Variants in DIP2C observed in about 807,000 individuals in gnomAD.
The protein encoded by DIP2C is disco-interacting protein 2 homolog C.
DIP2C carries 33 observed loss-of-function variants against 192.4 expected under a neutral mutation model. That is an observed-to-expected ratio of 0.17 (90% CI 0.13 to 0.23). The LOEUF (loss-of-function observed/expected upper bound fraction) is 0.23. DIP2C is among the 10% of genes least tolerant of loss of function. DIP2C has a pLI of 1.00. For synonymous variants in DIP2C, 979 were observed against 864.1 expected, an observed-to-expected ratio of 1.13 and a Z score of -2.33; for missense variants, 1,537 against 2,110.1, an observed-to-expected ratio of 0.73 and a Z score of 5.32.
chr10:506,216 G>T (rs1393121335), intron 1 of DIP2C, among the ~76,000 whole-genome samples: 1 of 152,182 alleles, frequency 6.6e-6, no homozygotes, highest in Non-Finnish European at 1.5e-5. Context: ...GAGACCACCA[G>T]CCCAGAGTCA....
At chr10:532,578 TGA>T (rs1197489018) in intron 1 of DIP2C, among the ~76,000 whole-genome samples, 1,115 of 91,672 alleles carry the variant, frequency 0.012, 44 homozygotes, top group African/African-American at 0.022. Flanking sequence ...AGTATGGGTG[TGA>T]GAGAGAGTAT....
At chr10:484,881 G>A in intron 2 of DIP2C, 1 of 1,611,916 alleles carries the variant, frequency 6.2e-7, no homozygotes, top group Non-Finnish European at 8.5e-7. Flanking sequence ...GGGCAGAGCG[G>A]AATGTTCTCC....
chr10:530,653 T>TAAA (rs59344971), intron 1 of DIP2C, among the ~76,000 whole-genome samples: 3,797 of 105,954 alleles, frequency 0.036, 97 homozygotes, highest in African/African-American at 0.05. Flanking sequence ...CCCTATCTCT[T>TAAA]AAAAAAAAAA....
intron 10 of DIP2C, 57 bp from the exon 11 acceptor site, chr10:390,920 C>T: frequency 6.3e-7 from 1 of 1,595,498 alleles, no homozygotes; most frequent in Admixed American, 1.7e-5. Flanking sequence ...TCCGCCCAGC[C>T]TTCGGCCCTC....
At chr10:369,473 C>T in intron 18 of DIP2C, 21 bp downstream of exon 18, 2 of 1,519,956 alleles carry the variant, frequency 1.3e-6, no homozygotes, top group South Asian at 1.3e-5. Flanking sequence ...TTAATCTGTG[C>T]AGCTCGCGAC....
rs138016302 is a variant in DIP2C, at chr10:339,234, T to A, written c.3584+1965A>T. ...ATTGTGGATCTAGGACCCAAGTGCT[T>A]TTTTTGTTTTTTAAAAGCAAGTCCA... On this transcript the variant is annotated intron_variant, in intron 29 of 36. Coordinates refer to ENST00000280886, the MANE Select transcript of DIP2C (RefSeq NM_014974.3). 2.3e-4 allele frequency among the ~76,000 whole-genome samples: 35 copies of A among 152,222 alleles called. No individual in the cohort carries two copies. In the East Asian group the frequency reaches 6.8e-3, roughly 29 times the overall value.
At chr10:356,188 A>G (rs1177693557) in intron 24 of DIP2C, 3 of 596,414 alleles carry the variant, frequency 5.0e-6, no homozygotes, top group Non-Finnish European at 9.0e-6. Flanking sequence ...TGGGGGAGAA[A>G]TATTGTAAAT....
intron 9 of DIP2C, among the ~76,000 whole-genome samples, chr10:404,698 GAC>G (rs1431365446): frequency 6.6e-6 from 1 of 152,194 alleles, no homozygotes; most frequent in Non-Finnish European, 1.5e-5. Context: ...ATCACTGGCA[GAC>G]ACAAAATTAA....
chr10:662,315 T>C (rs538572841), intron 1 of DIP2C, among the ~76,000 whole-genome samples: 32 of 152,226 alleles, frequency 2.1e-4, no homozygotes, highest in Non-Finnish European at 3.7e-4. Flanking sequence ...GAACACTTGC[T>C]TGATAATTTT....
chr10:364,731 G>A lies in DIP2C; in HGVS notation c.2269-149C>T, dbSNP rs1018796781. Reference sequence around the variant, plus strand: ...CCCTAGGGCCGAGGTCACAGTGACCGCTGGTGGCCAACAGTCTTCGAGGCA... The same window carrying A: ...CCCTAGGGCCGAGGTCACAGTGACCACTGGTGGCCAACAGTCTTCGAGGCA... On this transcript the variant is annotated intron_variant, in intron 19 of 36. Transcript: ENST00000280886. 7.3e-5 allele frequency: 61 copies of A among 841,166 alleles called. No homozygotes were observed. In the Middle Eastern group the frequency reaches 9.3e-4, roughly 13 times the overall value. The allele number at this position is 841,166 out of a possible 1,614,324, so 52.1% of individuals were successfully genotyped here. A position where few individuals can be genotyped will look rare whatever the true frequency, so the allele number is the denominator to read the frequency against.
chr10:452,755 TGAG>T (rs1365613210), intron 3 of DIP2C, among the ~76,000 whole-genome samples: 4 of 152,276 alleles, frequency 2.6e-5, no homozygotes, highest in African/African-American at 7.2e-5. Context: ...ACACCGCTAC[TGAG>T]GAGGTCTCTT....
rs148788139 is a variant in DIP2C at position 345,339 on chromosome 10, G to T, written c.3232-229C>A. Among the ~76,000 whole-genome samples, 25 of 128,940 alleles carry T rather than the reference G, an allele frequency of 1.9e-4. No individual in the cohort carries two copies. The East Asian group carries it at 5.1e-3, about 26-fold the overall frequency. 84.6% of individuals were successfully genotyped at this position (128,940 alleles called of 152,430 possible). A position where few individuals can be genotyped will look rare whatever the true frequency, so the allele number is the denominator to read the frequency against. ...AAGCTGCTGCATCTGCACTTCCTGG[G>T]CCCAGTGCATCCACAGCGTTGTGAC... On this transcript the variant is annotated intron_variant, in intron 26 of 36. Coordinates refer to ENST00000280886, the MANE Select transcript of DIP2C (RefSeq NM_014974.3).
At chr10:596,796 G>C (rs762799632) in intron 1 of DIP2C, among the ~76,000 whole-genome samples, 3 of 152,214 alleles carry the variant, frequency 2.0e-5, no homozygotes, top group Non-Finnish European at 4.4e-5. Flanking sequence ...ACCTGTGCCT[G>C]AGCTGGGGTG....
intron 32 of DIP2C, among the ~76,000 whole-genome samples, chr10:304,738 ATACT>A (rs558189213): frequency 1.3e-3 from 138 of 104,958 alleles, no homozygotes; most frequent in African/African-American, 4.1e-3. Flanking sequence ...CACATGTAAC[ATACT>A]TACACACACA....
chr10:414,855 TGTGTG>T (rs1965503946), intron 7 of DIP2C, among the ~76,000 whole-genome samples: 2 of 28,996 alleles, frequency 6.9e-5, no homozygotes, highest in African/African-American at 2.2e-4. Context: ...TATATATTTG[TGTGTG>T]TGTGTGTGTG....
chr10:281,436 G>C, intron 35 of DIP2C, 113 bp from the exon 36 acceptor site: 1 of 1,412,084 alleles, frequency 7.1e-7, no homozygotes. Context: ...GGATGCAAAG[G>C]AAGGGGCTCA....
At chr10:602,884 A>C (rs1588570859) in intron 1 of DIP2C, among the ~76,000 whole-genome samples, 1 of 152,228 alleles carries the variant, frequency 6.6e-6, no homozygotes, top group Non-Finnish European at 1.5e-5. Flanking sequence ...GCAACATGTC[A>C]CCTGCTCGTC....
At chr10:414,150 T>C (rs760574280) in intron 7 of DIP2C, 40 bp from the exon 8 acceptor site, 3 of 1,579,370 alleles carry the variant, frequency 1.9e-6, no homozygotes, top group African/African-American at 2.7e-5. Flanking sequence ...GAGAAATGCA[T>C]CCACATTAGC....
At chr10:543,330 C>T (rs1848109949) in intron 1 of DIP2C, among the ~76,000 whole-genome samples, 2 of 152,254 alleles carry the variant, frequency 1.3e-5, no homozygotes, top group African/African-American at 4.8e-5. Context: ...AGAACGTACA[C>T]AGACACCACA....
Sources: allele counts gnomAD v4.1 joint callset (sites outside exome capture counted in the v4.1 genomes callset), GRCh38; gene constraint gnomAD v4.1.1; transcripts MANE v1.5; gene names NCBI Gene and HGNC (gene_info 2026-07-23, HGNC 2026-07-21).